Variants in MEI1 observed in about 807,000 individuals in gnomAD.
MEI1 encodes the protein meiosis inhibitor protein 1.
A neutral mutation model predicts 146.2 loss-of-function variants in MEI1; 103 were observed. The observed-to-expected ratio is 0.70, with a 90% confidence interval of 0.60 to 0.83. The LOEUF is 0.83. Ranked by LOEUF, MEI1 falls within the 40% of genes least tolerant of loss-of-function variation. The probability of loss-of-function intolerance (pLI) is 0.00; values close to 1 mark genes in which losing one functional copy is unlikely to be tolerated. For synonymous variants in MEI1, 652 were observed against 628.2 expected, an observed-to-expected ratio of 1.04 and a Z score of -0.57; for missense variants, 1,529 against 1,533.0, an observed-to-expected ratio of 1.00 and a Z score of 0.04.
intron 6 of MEI1, among the ~76,000 whole-genome samples, chr22:41,723,165 T>A (rs1328917252): frequency 2.6e-5 from 4 of 152,170 alleles, no homozygotes; most frequent in Admixed American, 2.6e-4. Flanking sequence ...TGTATTTGGG[T>A]ATTTCTCATT....
intron 7 of MEI1, among the ~76,000 whole-genome samples, chr22:41,728,782 G>A (rs1162662548): frequency 1.3e-5 from 2 of 150,562 alleles, no homozygotes; most frequent in Admixed American, 1.3e-4. Flanking sequence ...GATTGCTTAC[G>A]TTGGAGAAGT....
At chr22:41,770,582 T>C in intron 19 of MEI1, 104 bp from the exon 20 acceptor site, 1 of 1,112,634 alleles carries the variant, frequency 9.0e-7, no homozygotes, top group Non-Finnish European at 1.3e-6. Context: ...TGTCCTGGAA[T>C]ACTGAGATGA....
At chr22:41,703,177 T>C (rs2068841839) in intron 1 of MEI1, among the ~76,000 whole-genome samples, 154 bp from the exon 2 acceptor site, 1 of 152,206 alleles carries the variant, frequency 6.6e-6, no homozygotes, top group Admixed American at 6.5e-5. Context: ...GTAAATGATA[T>C]CCTTTTCCAA....
chr22:41,742,712 T>C (rs187468714), intron 11 of MEI1, among the ~76,000 whole-genome samples: 188 of 152,296 alleles, frequency 1.2e-3, no homozygotes, highest in Non-Finnish European at 2.0e-3. Flanking sequence ...ATTGCAGTAG[T>C]ATGATCACGG....
chr22:41,790,046 C>G (rs1481714262), intron 26 of MEI1, among the ~76,000 whole-genome samples: 1 of 152,202 alleles, frequency 6.6e-6, no homozygotes, highest in African/African-American at 2.4e-5. Context: ...CCTTCATTCC[C>G]TTCAACCAGT....
At chr22:41,723,847 G>A (rs1346174378) in intron 6 of MEI1, 96 bp from the exon 7 acceptor site, 1 of 1,420,222 alleles carries the variant, frequency 7.0e-7, no homozygotes, top group East Asian at 2.5e-5. Flanking sequence ...GTAGAGGGAT[G>A]AAGAAGTTTC....
chr22:41,762,523 C>T (rs566850346), intron 18 of MEI1, among the ~76,000 whole-genome samples: 15 of 151,074 alleles, frequency 9.9e-5, no homozygotes, highest in African/African-American at 3.2e-4. Flanking sequence ...TATAGGCATG[C>T]GTCTACACAA....
intron 8 of MEI1, among the ~76,000 whole-genome samples, 177 bp downstream of exon 8, chr22:41,729,956 T>A (rs2071711322): frequency 6.6e-6 from 1 of 152,172 alleles, no homozygotes; most frequent in Non-Finnish European, 1.5e-5. Flanking sequence ...TATTTGGTCA[T>A]CTATGAATAA....
At chr22:41,713,823 C>G (rs1398957062) in intron 3 of MEI1, among the ~76,000 whole-genome samples, 179 bp from the exon 4 acceptor site, 1 of 152,168 alleles carries the variant, frequency 6.6e-6, no homozygotes, top group Non-Finnish European at 1.5e-5. Context: ...GCTGGGATTA[C>G]AGATGTGAGC....
Position 41,776,261 on chromosome 22 carries a change from T to G in MEI1, c.2704T>G (p.Ser902Ala), listed in dbSNP as rs550422287. 1 of 1,613,426 alleles carries G rather than the reference T, an allele frequency of 6.2e-7. No homozygotes were observed. The highest frequency in any genetic ancestry group is 8.5e-7 in the Non-Finnish European group (1 of 1,179,814). Residue 902 changes from serine (S) to alanine (A), a missense_variant, in exon 21 of 31, where the codon TCA becomes GCA. By Grantham distance (99) the Ser-to-Ala change is moderately conservative (BLOSUM62 1). Coordinates refer to ENST00000401548, the MANE Select transcript of MEI1 (RefSeq NM_152513.4). ...RLLVEHGASP[S>A]GASGNLPLLL... ...GCTAGTGGAGCATGGGGCATCCCCA[T>G]CAGGAGGTCAGTCTGCAGGTGCTGT...
intron 13 of MEI1, 109 bp from the exon 14 acceptor site, chr22:41,745,776 C>A (rs570868428): frequency 1.4e-4 from 153 of 1,114,354 alleles, no homozygotes; most frequent in Admixed American, 1.0e-3. Flanking sequence ...AATAGAGATA[C>A]TTTCCCTGGA....
intron 11 of MEI1, among the ~76,000 whole-genome samples, chr22:41,734,530 T>G (rs1601817494): frequency 6.6e-6 from 1 of 151,384 alleles, no homozygotes; most frequent in Admixed American, 6.6e-5. Flanking sequence ...GAGGCGGAGG[T>G]TGCAGTGATC....
At chr22:41,780,204 T>C (rs533853530) in intron 22 of MEI1, among the ~76,000 whole-genome samples, 22 of 152,278 alleles carry the variant, frequency 1.4e-4, no homozygotes, top group African/African-American at 4.6e-4. Context: ...AACCCACACA[T>C]GAAATGTAAT....
At chr22:41,756,933 C>T (rs2074126240) in intron 17 of MEI1, among the ~76,000 whole-genome samples, 1 of 152,238 alleles carries the variant, frequency 6.6e-6, no homozygotes, top group Non-Finnish European at 1.5e-5. Context: ...TCACATAGTT[C>T]CCCAGCTTCT....
chr22:41,765,908 T>A (rs1053336762), intron 19 of MEI1, among the ~76,000 whole-genome samples: 1 of 141,978 alleles, frequency 7.0e-6, no homozygotes, highest in African/African-American at 2.8e-5. Flanking sequence ...TTTTTTTTTT[T>A]AGACGGAGTC....
rs117654164 is a variant in MEI1 at position 41,757,365 on chromosome 22, T to G, written c.1952-1000T>G. On this transcript the variant is annotated intron_variant, in intron 17 of 30. Transcript: ENST00000401548. ...AGCCTCGGCCTCCCAAAGCTTGCTT[T>G]CTTTTTTCTGAGATGGAGTTTCGCG... Among the ~76,000 whole-genome samples, 192 of 152,036 alleles carry G rather than the reference T, an allele frequency of 1.3e-3. 2 individuals are homozygous for G. The East Asian group carries it at 0.033, about 26-fold the overall frequency.
At chr22:41,721,715 A>G (rs1423543714) in intron 6 of MEI1, among the ~76,000 whole-genome samples, 1 of 100,672 alleles carries the variant, frequency 9.9e-6, no homozygotes, top group Non-Finnish European at 1.9e-5. Context: ...TTTAAATGCT[A>G]CCCCTTTTTT....
rs541908625 is a variant in MEI1, at chr22:41,714,063, G to A, written c.411G>A (p.Glu137=). 3.1e-6 allele frequency: 5 copies of A among 1,599,014 alleles called. No individual in the cohort carries two copies. Among genetic ancestry groups the A allele is most frequent in the African/African-American group, 1.3e-5 (1 of 74,854 alleles). The change falls in exon 4 of 31, where the codon GAG becomes GAA. Residue 137 remains glutamate (E), a synonymous_variant. Coordinates refer to ENST00000401548, the MANE Select transcript of MEI1 (RefSeq NM_152513.4). The part of the protein sequence containing the change: ...LEQTIRCLLD[E]CHKELCNMPS... ...AGACTATCCGTTGCCTGCTGGATGA[G>A]TGCCACAAAGAGGTCAGAAAATAGC...
chr22:41,735,291 G>C (rs559197814), intron 11 of MEI1, among the ~76,000 whole-genome samples: 1 of 149,092 alleles, frequency 6.7e-6, no homozygotes, highest in African/African-American at 2.5e-5. Flanking sequence ...GAGTGCAAAG[G>C]CATGATCTCG....
Sources: allele counts gnomAD v4.1 joint callset (sites outside exome capture counted in the v4.1 genomes callset), GRCh38; gene constraint gnomAD v4.1.1; transcripts MANE v1.5; gene names NCBI Gene and HGNC (gene_info 2026-07-23, HGNC 2026-07-21).